SORBS2: variants seen among roughly 807,000 people sequenced by gnomAD.
SORBS2 encodes sorbin and SH3 domain containing 2.
A neutral mutation model predicts 97.7 loss-of-function variants in SORBS2; 46 were observed. The observed-to-expected ratio is 0.47, with a 90% CI of 0.37 to 0.60. The LOEUF (loss-of-function observed/expected upper bound fraction) is 0.60, where lower values mean the gene tolerates loss of function less well. Among genes scored for constraint, SORBS2 ranks in the 20% least tolerant of loss-of-function variants. The pLI is 0.00. For synonymous variants in SORBS2, 476 were observed against 473.4 expected, an observed-to-expected ratio of 1.01 and a Z score of -0.07; for missense variants, 1,316 against 1,282.3, an observed-to-expected ratio of 1.03 and a Z score of -0.40.
intron 1 of SORBS2, among the ~76,000 whole-genome samples, chr4:185,912,206 G>A (rs1186069565): frequency 2.0e-5 from 3 of 151,912 alleles, no homozygotes; most frequent in African/African-American, 7.3e-5. Flanking sequence ...AGCTAGCCTC[G>A]TACAGGTGAC....
intron 1 of SORBS2, among the ~76,000 whole-genome samples, chr4:185,855,537 T>C (rs2149696350): frequency 6.6e-6 from 1 of 152,310 alleles, no homozygotes; most frequent in Non-Finnish European, 1.5e-5. Context: ...CAAGGGCTTT[T>C]CATTTCCTTA....
At chr4:185,759,479 G>A (rs1054596634) in intron 2 of SORBS2, among the ~76,000 whole-genome samples, 3 of 152,168 alleles carry the variant, frequency 2.0e-5, no homozygotes, top group Admixed American at 2.0e-4. Flanking sequence ...GATGACAAAG[G>A]ATATTGCATA....
At chr4:185,662,281 T>G in intron 4 of SORBS2, 39 bp from the exon 8 acceptor site, 1 of 1,556,156 alleles carries the variant, frequency 6.4e-7, no homozygotes, top group Non-Finnish European at 8.7e-7. Context: ...AATTAGCACA[T>G]AGTTCCCTGT....
chr4:185,633,659 C>A (rs2096943657), intron 4 of SORBS2, among the ~76,000 whole-genome samples: 1 of 151,874 alleles, frequency 6.6e-6, no homozygotes, highest in Non-Finnish European at 1.5e-5. Flanking sequence ...AAATATATAT[C>A]TTGGAAGTGC....
chr4:185,784,488 A>T (rs1378908438), intron 1 of SORBS2, among the ~76,000 whole-genome samples: 1 of 152,134 alleles, frequency 6.6e-6, no homozygotes, highest in Non-Finnish European at 1.5e-5. Context: ...TGCAGATGTC[A>T]TTCTGTGGGG....
chr4:185,655,667 C>T (rs2097387738), intron 1 of SORBS2, among the ~76,000 whole-genome samples: 1 of 152,184 alleles, frequency 6.6e-6, no homozygotes, highest in Non-Finnish European at 1.5e-5. Context: ...TATGCATACC[C>T]AAACGTGCTT....
upstream of SORBS2, chr4:185,657,343 A>ACTTAT: frequency 7.6e-7 from 1 of 1,307,302 alleles, no homozygotes; most frequent in South Asian, 1.8e-5. Context: ...AGACCCTAGG[A>ACTTAT]ATGCACAAAG....
intron 1 of SORBS2, among the ~76,000 whole-genome samples, chr4:185,896,939 G>T (rs1462276145): frequency 6.6e-6 from 1 of 150,438 alleles, no homozygotes; most frequent in African/African-American, 2.5e-5. Flanking sequence ...GTATTACAAA[G>T]CACGTCAGTG....
At chr4:185,931,311 G>T (rs914449394) in intron 1 of SORBS2, among the ~76,000 whole-genome samples, 2 of 152,118 alleles carry the variant, frequency 1.3e-5, no homozygotes, top group African/African-American at 2.4e-5. Flanking sequence ...CCTTGGAAAA[G>T]CTTATGGTCT....
chr4:185,801,813 T>C (rs2099132312), intron 1 of SORBS2, among the ~76,000 whole-genome samples: 1 of 152,228 alleles, frequency 6.6e-6, no homozygotes, highest in South Asian at 2.1e-4. Context: ...AGTTGGCCAC[T>C]GACTCGTAAC....
intron 1 of SORBS2, among the ~76,000 whole-genome samples, chr4:185,656,037 C>A (rs942203226): frequency 2.0e-5 from 3 of 152,104 alleles, no homozygotes; most frequent in Admixed American, 2.0e-4. Context: ...AAGAAAGTTT[C>A]AAATTTAACC....
chr4:185,923,372 T>A (rs1395629921), intron 1 of SORBS2, among the ~76,000 whole-genome samples: 2 of 152,016 alleles, frequency 1.3e-5, no homozygotes, highest in African/African-American at 4.8e-5. Context: ...GTGCCATCAT[T>A]ACTCACTGCT....
Position 185,725,896 on chromosome 4 carries a change from C to T in SORBS2, c.-197-47074G>A, listed in dbSNP as rs370645037. Among the ~76,000 whole-genome samples, 117 of 152,214 alleles carry T rather than the reference C, an allele frequency of 7.7e-4. 1 individual carries two copies. The highest frequency in any genetic ancestry group is 2.7e-3 in the African/African-American group (111 of 41,546). On this transcript the variant is annotated intron_variant, in intron 2 of 20. Transcript: ENST00000284776. ...CAAGCCCAACACAACATGATCCTAACCTAATTTTCAAGAATTTATTTTCCT... is the reference window on the plus strand; with the variant it reads ...CAAGCCCAACACAACATGATCCTAATCTAATTTTCAAGAATTTATTTTCCT...
intron 2 of SORBS2, among the ~76,000 whole-genome samples, chr4:185,743,565 C>T (rs2098740392): frequency 2.0e-5 from 3 of 152,140 alleles, no homozygotes; most frequent in Admixed American, 2.0e-4. Flanking sequence ...ATGTACACAC[C>T]TAGTAGTTTA....
intron 1 of SORBS2, among the ~76,000 whole-genome samples, chr4:185,913,393 G>A (rs574158336): frequency 1.2e-4 from 18 of 152,124 alleles, no homozygotes; most frequent in Non-Finnish European, 2.1e-4. Context: ...CTTGATTTAG[G>A]TTGACCTGAC....
intron 1 of SORBS2, among the ~76,000 whole-genome samples, chr4:185,825,641 A>G (rs2099199367): frequency 6.6e-6 from 1 of 152,168 alleles, no homozygotes; most frequent in East Asian, 1.9e-4. Flanking sequence ...CAGTTTCTGT[A>G]TCTCAGAATA....
At chr4:185,597,735 A>G in intron 12 of SORBS2, among the ~76,000 whole-genome samples, 1 of 152,304 alleles carries the variant, frequency 6.6e-6, no homozygotes. Context: ...TCAAATGGCA[A>G]GTCGCTTAAG....
At position 185,765,908 on chromosome 4, in the gene SORBS2, C is replaced by T. The variant is rs981431495; in HGVS notation, c.-198+9319G>A. Among the ~76,000 whole-genome samples, 3 of 152,178 alleles carry T rather than the reference C, an allele frequency of 2.0e-5. No homozygotes were observed. In the East Asian group the frequency reaches 5.8e-4, roughly 29 times the overall value. On this transcript the variant is annotated intron_variant, in intron 2 of 20. Coordinates refer to the SORBS2 transcript ENST00000284776. ...ATTATATCAATACAAACTTTATAAA[C>T]TTGTTTACACTTAATTTTTGTCTTA...
chr4:185,607,296 T>C lies in SORBS2; in HGVS notation c.2796+4484A>G. 1 of 1,284,348 alleles carries C rather than the reference T, an allele frequency of 7.8e-7. No homozygotes were observed. Among genetic ancestry groups the C allele is most frequent in the Non-Finnish European group, 1.0e-6 (1 of 986,582 alleles). 79.6% of individuals were successfully genotyped at this position (1,284,348 alleles called of 1,614,324 possible). A position where few individuals can be genotyped will look rare whatever the true frequency, so the allele number is the denominator to read the frequency against. On this transcript the variant is annotated intron_variant, in intron 12 of 14. Transcript: ENST00000418609. The surrounding 1 kb of genome is among the most constrained non-coding windows in gnomAD (Gnocchi z 5.2). ...CAGTTCCCTGGAGAGCTCCTTTATC[T>C]GAGCCAGGTGAGACTTTGTGGGTGG...
Sources: allele counts gnomAD v4.1 joint callset (sites outside exome capture counted in the v4.1 genomes callset), GRCh38; gene constraint gnomAD v4.1.1; non-coding constraint Gnocchi (gnomAD v3.1); transcripts MANE v1.5; gene names NCBI Gene and HGNC (gene_info 2026-07-23, HGNC 2026-07-21).